The following OPCML variants were observed in gnomAD, a reference collection of about 807,000 sequenced individuals.
OPCML encodes the protein opioid binding protein/cell adhesion molecule like, also known as opioid-binding protein/cell adhesion molecule.
A neutral mutation model predicts 37.8 loss-of-function variants in OPCML; 13 were observed. The ratio of observed to expected loss-of-function variants is 0.34; its 90% CI spans 0.22 to 0.55. The LOEUF is 0.55. OPCML is among the 20% of genes least tolerant of loss of function. OPCML has a pLI of 0.91. For synonymous variants in OPCML, 176 were observed against 168.8 expected (o/e 1.04, Z -0.33); for missense variants, 341 against 435.6 (o/e 0.78, Z 1.93).
intron 1 of OPCML, among the ~76,000 whole-genome samples, chr11:133,226,821 A>G (rs988282375): frequency 1.1e-4 from 17 of 152,238 alleles, no homozygotes; most frequent in Admixed American, 3.3e-4. Context: ...AGCCCAGAGG[A>G]GCCCAAACCA....
At chr11:133,258,809 C>T (rs1941403050) in intron 1 of OPCML, among the ~76,000 whole-genome samples, 1 of 152,102 alleles carries the variant, frequency 6.6e-6, no homozygotes, top group South Asian at 2.1e-4. Context: ...GCCCAGGGGG[C>T]CCCACTCCAC....
intron 1 of OPCML, among the ~76,000 whole-genome samples, chr11:133,480,821 G>T (rs963295250): frequency 6.6e-6 from 1 of 152,226 alleles, no homozygotes; most frequent in African/African-American, 2.4e-5. Flanking sequence ...AAGCCCAATG[G>T]CATCTACCAT....
chr11:133,064,368 G>C (rs1475751112), intron 1 of OPCML, among the ~76,000 whole-genome samples: 2 of 152,258 alleles, frequency 1.3e-5, no homozygotes, highest in Admixed American at 1.3e-4. Flanking sequence ...AGGCCCCCGG[G>C]CAGAGCTCCT....
Position 132,877,967 on chromosome 11 carries a change from G to T in OPCML, c.146+64959C>A, listed in dbSNP as rs60096097. Among the ~76,000 whole-genome samples the T allele has an allele frequency of 3.3e-3, 498 of 152,246 alleles. 8 individuals carry two copies. The highest frequency in any genetic ancestry group is 0.011 in the African/African-American group (477 of 41,556). ...ACTTATTCACCATTTTGGCAAAATAGGTCAGGAGAGCAAGACCATCCTGGC... is the reference window on the plus strand; with the variant it reads ...ACTTATTCACCATTTTGGCAAAATATGTCAGGAGAGCAAGACCATCCTGGC... On this transcript the variant is annotated intron_variant, in intron 2 of 7. Coordinates refer to ENST00000524381, the MANE Select transcript of OPCML (RefSeq NM_001012393.5).
chr11:133,520,547 A>G (rs1948377537), intron 1 of OPCML, among the ~76,000 whole-genome samples: 1 of 152,168 alleles, frequency 6.6e-6, no homozygotes, highest in Admixed American at 6.5e-5. Flanking sequence ...TCTAACCTCT[A>G]GGGATGCATT....
At chr11:133,101,214 C>T (rs1035292520) in intron 1 of OPCML, among the ~76,000 whole-genome samples, 1 of 152,166 alleles carries the variant, frequency 6.6e-6, no homozygotes, top group Non-Finnish European at 1.5e-5. Context: ...TGAGCCACCA[C>T]GCCCAGCCCA....
intron 3 of OPCML, among the ~76,000 whole-genome samples, chr11:132,651,597 A>T (rs1043167771): frequency 2.2e-4 from 33 of 152,170 alleles, no homozygotes; most frequent in African/African-American, 7.7e-4. Flanking sequence ...GAGTGGATAG[A>T]TGTAAGGAAC....
intron 1 of OPCML, among the ~76,000 whole-genome samples, chr11:133,310,360 A>G (rs1211279558): frequency 6.6e-6 from 1 of 152,098 alleles, no homozygotes; most frequent in Non-Finnish European, 1.5e-5. Flanking sequence ...CTCTATGCAT[A>G]TTTCAGTCTG....
chr11:133,499,293 T>C (rs1405107067), intron 1 of OPCML, among the ~76,000 whole-genome samples: 2 of 152,208 alleles, frequency 1.3e-5, no homozygotes, highest in African/African-American at 4.8e-5. Flanking sequence ...AAAGCAAGTT[T>C]CCTTACACAA....
At chr11:133,378,928 T>A (rs1944872069) in intron 1 of OPCML, among the ~76,000 whole-genome samples, 1 of 152,022 alleles carries the variant, frequency 6.6e-6, no homozygotes, top group Non-Finnish European at 1.5e-5. Flanking sequence ...TTATTTTTAT[T>A]TTATTTTTGT....
chr11:132,791,719 C>G (rs1166892825), intron 2 of OPCML, among the ~76,000 whole-genome samples: 1 of 152,174 alleles, frequency 6.6e-6, no homozygotes, highest in Admixed American at 6.5e-5. Context: ...AGCTTCCCCC[C>G]AAAACCTGTG....
chr11:132,561,431 C>A (rs941914635), intron 3 of OPCML, among the ~76,000 whole-genome samples: 4 of 152,214 alleles, frequency 2.6e-5, no homozygotes, highest in African/African-American at 9.6e-5. Context: ...ACTGACTCAT[C>A]AGCTGCTCTG....
intron 1 of OPCML, among the ~76,000 whole-genome samples, chr11:133,378,605 C>T (rs1046779303): frequency 5.9e-5 from 9 of 152,280 alleles, no homozygotes; most frequent in East Asian, 1.9e-4. Context: ...AAGCAGCTGA[C>T]GTATTTTTAA....
At chr11:133,318,824 G>A (rs917772958) in intron 1 of OPCML, among the ~76,000 whole-genome samples, 3 of 152,108 alleles carry the variant, frequency 2.0e-5, no homozygotes, top group Admixed American at 2.0e-4. Context: ...ATTACTTGAG[G>A]TCAGGAGTTT....
chr11:133,118,205 CCTGTTCTTT>C, intron 1 of OPCML: 1 of 983,442 alleles, frequency 1.0e-6, no homozygotes, highest in Non-Finnish European at 1.2e-6. Context: ...TGTAGGAGGC[CCTGTTCTTT>C]CTGGGACTCT....
intron 2 of OPCML, among the ~76,000 whole-genome samples, chr11:132,808,676 T>G (rs554529782): frequency 6.6e-6 from 1 of 152,342 alleles, no homozygotes; most frequent in East Asian, 1.9e-4. Flanking sequence ...TTCCTTCACC[T>G]ACTTGCTGCT....
intron 1 of OPCML, among the ~76,000 whole-genome samples, chr11:132,971,717 G>A (rs1455224810): frequency 6.6e-6 from 1 of 152,154 alleles, no homozygotes; most frequent in Non-Finnish European, 1.5e-5. Context: ...TCCTGGGGCT[G>A]AGGGCAGGCT....
At chr11:133,455,699 A>C (rs1384742923) in intron 1 of OPCML, among the ~76,000 whole-genome samples, 1 of 152,192 alleles carries the variant, frequency 6.6e-6, no homozygotes, top group Non-Finnish European at 1.5e-5. Context: ...GCAAGGCGGC[A>C]GGCTAGGAAG....
At chr11:133,082,889 C>T (rs1434738881) in intron 1 of OPCML, among the ~76,000 whole-genome samples, 1 of 150,254 alleles carries the variant, frequency 6.7e-6, no homozygotes, top group Admixed American at 6.6e-5. Context: ...CCCAGGCAGA[C>T]GCGCTGCCCG....
Sources: allele counts gnomAD v4.1 joint callset (sites outside exome capture counted in the v4.1 genomes callset), GRCh38; gene constraint gnomAD v4.1.1; transcripts MANE v1.5; gene names NCBI Gene and HGNC (gene_info 2026-07-23, HGNC 2026-07-21).